Variants in CSGALNACT1 observed in about 807,000 individuals in gnomAD.
CSGALNACT1 encodes the protein beta4GalNAcT-1.
CSGALNACT1 carries 52 observed loss-of-function variants against 51.0 expected under a neutral mutation model. The ratio of observed to expected loss-of-function variants is 1.02; its 90% CI spans 0.82 to 1.29. The LOEUF is 1.29. Ranked by LOEUF, CSGALNACT1 falls within the 50% of genes most tolerant of loss-of-function variation. The pLI is 0.00. For synonymous variants in CSGALNACT1, 341 were observed against 254.4 expected, an observed-to-expected ratio of 1.34 and a Z score of -3.24; for missense variants, 935 against 679.2, an observed-to-expected ratio of 1.38 and a Z score of -4.19.
chr8:19,457,722 G>A (rs1185503853), intron 5 of CSGALNACT1: 1 of 1,341,796 alleles, frequency 7.5e-7, no homozygotes, highest in African/African-American at 1.5e-5. Context: ...GTTATCCTCA[G>A]CCAATATGTG....
At chr8:19,593,506 T>C (rs1005874477) in intron 2 of CSGALNACT1, among the ~76,000 whole-genome samples, 5 of 152,068 alleles carry the variant, frequency 3.3e-5, no homozygotes, top group Admixed American at 6.5e-5. Context: ...TAGCTGCAGA[T>C]GGCCCACGGA....
intron 1 of CSGALNACT1, among the ~76,000 whole-genome samples, chr8:19,610,099 G>A (rs1165867442): frequency 1.3e-5 from 2 of 151,348 alleles, no homozygotes; most frequent in African/African-American, 2.4e-5. Context: ...GAGGGTGCCT[G>A]TAACCCCAGC....
chr8:19,507,697 T>C (rs955908110), intron 3 of CSGALNACT1, among the ~76,000 whole-genome samples: 1 of 152,192 alleles, frequency 6.6e-6, no homozygotes, highest in African/African-American at 2.4e-5. Context: ...GCGCGATCTC[T>C]GCTCACTGCC....
At chr8:19,612,991 C>CAGGG (rs1440674598) in intron 1 of CSGALNACT1, among the ~76,000 whole-genome samples, 1 of 101,202 alleles carries the variant, frequency 9.9e-6, no homozygotes, top group East Asian at 3.1e-4. Context: ...GCACAGCTGA[C>CAGGG]AGGGAACTTG....
intron 1 of CSGALNACT1, among the ~76,000 whole-genome samples, chr8:19,702,517 AC>A (rs376316519): frequency 0.055 from 8,275 of 151,710 alleles, 267 homozygotes; most frequent in African/African-American, 0.086. Flanking sequence ...CTAAAAAAAA[AC>A]TTAATTAATT....
intron 4 of CSGALNACT1, among the ~76,000 whole-genome samples, chr8:19,494,749 C>T (rs1259386798): frequency 6.6e-6 from 1 of 152,116 alleles, no homozygotes; most frequent in East Asian, 1.9e-4. Context: ...CAGCACCCTG[C>T]CTATGGAAAC....
At chr8:19,609,571 A>T (rs929864075) in intron 1 of CSGALNACT1, among the ~76,000 whole-genome samples, 1 of 151,826 alleles carries the variant, frequency 6.6e-6, no homozygotes. Flanking sequence ...TGCCAAGGAA[A>T]AGAAACCCAA....
chr8:19,520,342 G>A (rs563926791), intron 3 of CSGALNACT1, among the ~76,000 whole-genome samples: 2 of 152,296 alleles, frequency 1.3e-5, no homozygotes, highest in South Asian at 2.1e-4. Context: ...ACACATAAAT[G>A]CAAGCTGCAT....
chr8:19,744,973 G>A (rs2064558363), intron 1 of CSGALNACT1, among the ~76,000 whole-genome samples: 1 of 152,126 alleles, frequency 6.6e-6, no homozygotes, highest in Non-Finnish European at 1.5e-5. Flanking sequence ...AACATCCACT[G>A]CCACGTAACG....
intron 5 of CSGALNACT1, among the ~76,000 whole-genome samples, chr8:19,441,516 A>G (rs940656006): frequency 1.3e-5 from 2 of 152,240 alleles, no homozygotes; most frequent in African/African-American, 4.8e-5. Flanking sequence ...GGCTAGCCAT[A>G]TGTAGAAAGC....
At chr8:19,477,879 A>G (rs183709869) in intron 4 of CSGALNACT1, among the ~76,000 whole-genome samples, 1 of 152,350 alleles carries the variant, frequency 6.6e-6, no homozygotes, top group East Asian at 1.9e-4. Flanking sequence ...GGGAAGAAAG[A>G]CTTCGGTTCC....
chr8:19,606,393 T>A (rs150529061), upstream of CSGALNACT1, among the ~76,000 whole-genome samples: 186 of 152,358 alleles, frequency 1.2e-3, 1 homozygote, highest in African/African-American at 4.3e-3. Flanking sequence ...AAAATTATCA[T>A]CTTTCTCAAG....
At chr8:19,582,172 T>C (rs1384941032) in intron 3 of CSGALNACT1, among the ~76,000 whole-genome samples, 3 of 152,236 alleles carry the variant, frequency 2.0e-5, no homozygotes, top group South Asian at 2.1e-4. Context: ...AACTAGGCAC[T>C]GCAAGTGACT....
At chr8:19,461,679 C>T (rs1344209780) in intron 4 of CSGALNACT1, among the ~76,000 whole-genome samples, 1 of 150,814 alleles carries the variant, frequency 6.6e-6, no homozygotes, top group Non-Finnish European at 1.5e-5. Flanking sequence ...ACAGCGGCCA[C>T]ATTCACCATG....
intron 6 of CSGALNACT1, among the ~76,000 whole-genome samples, chr8:19,424,775 C>G (rs1443326856): frequency 1.3e-5 from 2 of 152,152 alleles, no homozygotes; most frequent in Non-Finnish European, 2.9e-5. Context: ...CATTCAAACA[C>G]AATGACACAC....
chr8:19,634,402 G>A (rs1440788187), intron 1 of CSGALNACT1, among the ~76,000 whole-genome samples: 3 of 152,142 alleles, frequency 2.0e-5, no homozygotes, highest in Admixed American at 1.3e-4. Context: ...GGTGGCTCAT[G>A]CCTGTAATCC....
At chr8:19,500,874 C>A (rs1435395876) in intron 4 of CSGALNACT1, among the ~76,000 whole-genome samples, 6 of 152,164 alleles carry the variant, frequency 3.9e-5, no homozygotes, top group African/African-American at 1.4e-4. Context: ...AGTCCAAGAT[C>A]AAGGCCCAGG....
chr8:19,530,786 A>C (rs544647672), intron 3 of CSGALNACT1, among the ~76,000 whole-genome samples: 124 of 152,342 alleles, frequency 8.1e-4, no homozygotes, highest in Non-Finnish European at 1.4e-3. Context: ...AAGACTATTT[A>C]CCTGAAGTCA....
chr8:19,617,456 C>A (rs938628028), intron 1 of CSGALNACT1, among the ~76,000 whole-genome samples: 1 of 152,170 alleles, frequency 6.6e-6, no homozygotes, highest in South Asian at 2.1e-4. Context: ...CAATGTTTAA[C>A]CCGAATATAG....
Sources: allele counts gnomAD v4.1 joint callset (sites outside exome capture counted in the v4.1 genomes callset), GRCh38; gene constraint gnomAD v4.1.1; transcripts MANE v1.5; gene names NCBI Gene and HGNC (gene_info 2026-07-23, HGNC 2026-07-21).